FBXO11: variants seen among roughly 807,000 people sequenced by gnomAD.
FBXO11 encodes the protein F-box only protein 11.
In FBXO11, 13 loss-of-function variants were observed where a neutral mutation model predicts 117.0. The ratio of observed to expected loss-of-function variants is 0.11; its 90% CI spans 0.07 to 0.18. FBXO11 has a LOEUF of 0.18. FBXO11 is among the 10% of genes least tolerant of loss of function. The pLI, the probability that FBXO11 is intolerant of heterozygous loss-of-function variation, is 1.00. For synonymous variants in FBXO11, 490 were observed against 380.5 expected, an observed-to-expected ratio of 1.29 and a Z score of -3.35; for missense variants, 767 against 1,164.4, an observed-to-expected ratio of 0.66 and a Z score of 4.97.
Position 47,892,641 on chromosome 2 carries a change from A to T in FBXO11, c.232+12848T>A, listed in dbSNP as rs193213258. 4.6e-3 allele frequency among the ~76,000 whole-genome samples: 705 copies of T among 152,338 alleles called. 5 individuals are homozygous for T. Among genetic ancestry groups the T allele is most frequent in the African/African-American group, 0.016 (675 of 41,586 alleles). On this transcript the variant is annotated intron_variant, in intron 1 of 22. Transcript: ENST00000403359. ...TTGCTATGTGGGATTAAACATGCTTATGAGGAAACAAAATGTTGTTTTATC... is the reference window on the plus strand; with the variant it reads ...TTGCTATGTGGGATTAAACATGCTTTTGAGGAAACAAAATGTTGTTTTATC...
intron 14 of FBXO11, among the ~76,000 whole-genome samples, chr2:47,820,046 T>C (rs183074803): frequency 1.5e-4 from 23 of 152,328 alleles, no homozygotes; most frequent in Middle Eastern, 6.8e-3. Context: ...ACAAATATAA[T>C]AGACTGCAAA....
At chr2:47,835,317 C>A (rs1023374616) in intron 5 of FBXO11, among the ~76,000 whole-genome samples, 2 of 152,186 alleles carry the variant, frequency 1.3e-5, no homozygotes, top group African/African-American at 2.4e-5. Context: ...AAATGTGGAA[C>A]TTTAAAACAA....
rs1279352925 is a variant in FBXO11 at position 47,832,765 on chromosome 2, TA to T, written c.1153+3del. On this transcript the variant is annotated splice_donor_region_variant and intron_variant, in intron 9 of 22. Coordinates refer to ENST00000403359, the MANE Select transcript of FBXO11 (RefSeq NM_001190274.2). ...TTATTGTAAAATATAAAGAAAACAC[TA>T]ACCTGTACATGTACTTCGGATGATA... The T allele has an allele frequency of 6.2e-7, 1 of 1,610,472 alleles. No homozygotes were observed. The highest frequency in any genetic ancestry group is 1.1e-5 in the South Asian group (1 of 90,884).
At chr2:47,903,192 C>G (rs1678430273) in intron 1 of FBXO11, among the ~76,000 whole-genome samples, 2 of 152,116 alleles carry the variant, frequency 1.3e-5, no homozygotes, top group Non-Finnish European at 2.9e-5. Flanking sequence ...CTGGCAACAT[C>G]TTTATTATTT....
intron 11 of FBXO11, 24 bp downstream of exon 11, chr2:47,832,325 T>C: frequency 6.4e-7 from 1 of 1,553,216 alleles, no homozygotes; most frequent in Non-Finnish European, 8.7e-7. Flanking sequence ...AGTCCGTTTT[T>C]CTATTAAAAA....
chr2:47,850,453 G>C (rs554326125), intron 1 of FBXO11, among the ~76,000 whole-genome samples: 2 of 152,144 alleles, frequency 1.3e-5, no homozygotes. Context: ...GAGTCAGAAA[G>C]CATAGACTAG....
At chr2:47,892,535 T>TA (rs1170677736) in intron 1 of FBXO11, among the ~76,000 whole-genome samples, 4 of 152,168 alleles carry the variant, frequency 2.6e-5, no homozygotes, top group Non-Finnish European at 5.9e-5. Flanking sequence ...GATGCAGAAA[T>TA]AGAGTACAGG....
intron 12 of FBXO11, 60 bp from the exon 13 acceptor site, chr2:47,822,363 A>C: frequency 9.2e-7 from 1 of 1,083,774 alleles, no homozygotes; most frequent in South Asian, 1.4e-5. Context: ...TACTTGTTTT[A>C]TACAACGGTA....
At chr2:47,891,368 G>C (rs1288565855) in intron 1 of FBXO11, among the ~76,000 whole-genome samples, 2 of 152,064 alleles carry the variant, frequency 1.3e-5, no homozygotes, top group Non-Finnish European at 2.9e-5. Context: ...CTTCATTTAA[G>C]TGAAATCATG....
rs530309622 is a variant in FBXO11, at chr2:47,809,369, G to A, written c.2447-103C>T. On this transcript the variant is annotated intron_variant, in intron 20 of 22. Transcript: ENST00000403359. ...AACAGAAGAGCCACTATTTTTAAGA[G>A]CTTTAAATGAAGCTAACCAATGAAG... 42 of 779,024 alleles carry A rather than the reference G, an allele frequency of 5.4e-5. 1 individual carries two copies. The highest frequency in any genetic ancestry group is 7.3e-5 in the Non-Finnish European group (36 of 495,548). The allele number at this position is 779,024 out of a possible 1,614,324, so 48.3% of individuals were successfully genotyped here.
intron 1 of FBXO11, among the ~76,000 whole-genome samples, chr2:47,883,037 C>A (rs137977595): frequency 6.6e-6 from 1 of 152,134 alleles, no homozygotes; most frequent in Non-Finnish European, 1.5e-5. Flanking sequence ...TGAGTTCTTA[C>A]CATTCCTGCT....
intron 1 of FBXO11, among the ~76,000 whole-genome samples, chr2:47,845,314 A>G (rs1180162406): frequency 6.6e-6 from 1 of 152,232 alleles, no homozygotes; most frequent in African/African-American, 2.4e-5. Flanking sequence ...GATTTAAGTC[A>G]TGAATACCAC....
chr2:47,861,260 G>C (rs575917207), intron 1 of FBXO11, among the ~76,000 whole-genome samples: 1 of 151,518 alleles, frequency 6.6e-6, no homozygotes, highest in African/African-American at 2.4e-5. Flanking sequence ...ACTTCCTATG[G>C]AGTAGATATT....
chr2:47,900,685 CACACACGT>C (rs1678116516), intron 1 of FBXO11, among the ~76,000 whole-genome samples: 1 of 59,000 alleles, frequency 1.7e-5, no homozygotes, highest in African/African-American at 9.9e-5. Flanking sequence ...CACACGTATA[CACACACGT>C]ATACACACAC....
At chr2:47,903,549 A>C (rs570753492) in intron 1 of FBXO11, among the ~76,000 whole-genome samples, 1 of 152,238 alleles carries the variant, frequency 6.6e-6, no homozygotes. Flanking sequence ...CAAATGAATA[A>C]AAGTGTCCAA....
At chr2:47,876,560 G>A (rs538826524) in intron 1 of FBXO11, among the ~76,000 whole-genome samples, 4 of 152,250 alleles carry the variant, frequency 2.6e-5, no homozygotes, top group South Asian at 2.1e-4. Flanking sequence ...TTATACATTC[G>A]GAGGAAAGAA....
intron 1 of FBXO11, among the ~76,000 whole-genome samples, chr2:47,887,643 T>C (rs1558475092): frequency 6.6e-6 from 1 of 152,100 alleles, no homozygotes; most frequent in Non-Finnish European, 1.5e-5. Context: ...GGCGAACTGC[T>C]GGAGCCCAGG....
chr2:47,843,422 GTAGT>G (rs1465746982), intron 1 of FBXO11, among the ~76,000 whole-genome samples: 1 of 148,856 alleles, frequency 6.7e-6, no homozygotes, highest in East Asian at 2.0e-4. Flanking sequence ...CACCATATTT[GTAGT>G]TAATCTTTTT....
At chr2:47,809,016 C>T (rs750782263) in intron 21 of FBXO11, 142 bp downstream of exon 21, 13 of 571,342 alleles carry the variant, frequency 2.3e-5, no homozygotes, top group East Asian at 6.2e-5. Context: ...GTCTTAAACA[C>T]GATCTTCAAG....
Sources: gnomAD v4.1 joint callset for allele counts (sites outside exome capture counted in the v4.1 genomes callset) on GRCh38, gnomAD v4.1.1 for gene constraint, MANE v1.5 for transcripts, NCBI Gene and HGNC (gene_info 2026-07-23, HGNC 2026-07-21) for gene names.